Variants in EXOC6 observed in about 807,000 individuals in gnomAD.
The protein encoded by EXOC6 is exocyst complex component 6, also known as SEC15-like 1.
In EXOC6, 60 loss-of-function variants were observed where a neutral mutation model predicts 112.5. The ratio of observed to expected loss-of-function variants is 0.53; its 90% CI spans 0.43 to 0.66. The LOEUF (loss-of-function observed/expected upper bound fraction) is 0.66. Among genes scored for constraint, EXOC6 ranks in the 30% least tolerant of loss-of-function variants. The pLI is 0.00. For synonymous variants in EXOC6, 295 were observed against 308.0 expected (o/e 0.96, Z 0.44); for missense variants, 855 against 957.1 (o/e 0.89, Z 1.41).
intron 18 of EXOC6, among the ~76,000 whole-genome samples, chr10:92,975,731 G>C (rs1193509070): frequency 7.7e-6 from 1 of 129,598 alleles, no homozygotes. Flanking sequence ...CGCCCCGTCC[G>C]GGAGGGAGGT....
chr10:92,843,264 A>G (rs1026327747), intron 1 of EXOC6, among the ~76,000 whole-genome samples: 1 of 152,074 alleles, frequency 6.6e-6, no homozygotes, highest in Non-Finnish European at 1.5e-5. Context: ...GCACTTACAG[A>G]GTGTGGCCAC....
intron 13 of EXOC6, among the ~76,000 whole-genome samples, chr10:92,943,144 T>C (rs943186296): frequency 6.6e-6 from 1 of 151,658 alleles, no homozygotes; most frequent in African/African-American, 2.4e-5. Context: ...TCAGCCTCCC[T>C]AGTAGCTGGG....
intron 15 of EXOC6, among the ~76,000 whole-genome samples, chr10:92,954,284 A>G (rs1564858815): frequency 6.6e-6 from 1 of 152,168 alleles, no homozygotes; most frequent in Non-Finnish European, 1.5e-5. Flanking sequence ...TGGCTCAAAA[A>G]CAATAATAAA....
At chr10:92,911,984 T>C (rs1266058964) in intron 6 of EXOC6, among the ~76,000 whole-genome samples, 1 of 149,538 alleles carries the variant, frequency 6.7e-6, no homozygotes, top group Admixed American at 6.8e-5. Flanking sequence ...TTTGTGTATG[T>C]ATAAGAAGCC....
intron 20 of EXOC6, among the ~76,000 whole-genome samples, chr10:93,017,876 G>A (rs1310701556): frequency 2.6e-5 from 4 of 151,900 alleles, no homozygotes; most frequent in African/African-American, 7.3e-5. Context: ...TGGGCGTGGT[G>A]GTGCACACCT....
At chr10:92,974,813 C>A (rs1842444467) in intron 18 of EXOC6, among the ~76,000 whole-genome samples, 1 of 152,200 alleles carries the variant, frequency 6.6e-6, no homozygotes, top group Admixed American at 6.5e-5. Flanking sequence ...AGTGATCCGC[C>A]AGCCTCGGCC....
intron 11 of EXOC6, 52 bp from the exon 12 acceptor site, chr10:92,935,762 T>C (rs1383742892): frequency 8.6e-6 from 10 of 1,163,696 alleles, no homozygotes; most frequent in Non-Finnish European, 1.2e-5. Flanking sequence ...ATCATATGAC[T>C]CTGGTTTGTT....
At chr10:92,883,693 C>T (rs182916862) in intron 1 of EXOC6, among the ~76,000 whole-genome samples, 51 of 151,984 alleles carry the variant, frequency 3.4e-4, no homozygotes, top group Middle Eastern at 3.4e-3. Context: ...ATAAAGAATG[C>T]GCAGAAGAGT....
rs1174546185 is a variant in EXOC6, at chr10:92,848,568, C to A, written c.35C>A (p.Pro12His). Reference protein sequence around the residue: ...AENSESLGTVPEHERILQEIE... With the variant: ...AENSESLGTVHEHERILQEIE... ...AACAGCGAGAGTCTGGGCACCGTCC[C>A]CGAGCACGAGCGGATCTTGCAGGAG... The change falls in exon 1 of 22, where the codon CCC becomes CAC. Residue 12 changes from proline (P) to histidine (H), a missense_variant. Transcript: ENST00000260762. 4 of 1,451,754 alleles carry A rather than the reference C, an allele frequency of 2.8e-6. 1 individual carries two copies. The South Asian group carries it at 3.7e-5, about 13-fold the overall frequency. 89.9% of individuals were successfully genotyped at this position (1,451,754 alleles called of 1,614,324 possible). A position where few individuals can be genotyped will look rare whatever the true frequency, so the allele number is the denominator to read the frequency against.
chr10:93,025,539 T>C (rs1844992374), intron 20 of EXOC6, among the ~76,000 whole-genome samples: 3 of 152,324 alleles, frequency 2.0e-5, no homozygotes, highest in East Asian at 3.9e-4. Context: ...CTTCCAAATA[T>C]AATCCTATGC....
At chr10:92,911,929 CTCTG>C (rs1189364216) in intron 6 of EXOC6, among the ~76,000 whole-genome samples, 3 of 71,910 alleles carry the variant, frequency 4.2e-5, no homozygotes, top group Admixed American at 1.6e-4. Flanking sequence ...CTCTCTCTCT[CTCTG>C]TGTGCGTGTG....
At chr10:93,014,107 TATA>T in intron 19 of EXOC6, 84 bp from the exon 20 acceptor site, 1 of 966,416 alleles carries the variant, frequency 1.0e-6, no homozygotes, top group Non-Finnish European at 1.6e-6. Flanking sequence ...ATAATGCATT[TATA>T]ATGAGTAGAA....
chr10:93,043,186 C>T (rs917827019), intron 20 of EXOC6, among the ~76,000 whole-genome samples: 32 of 152,062 alleles, frequency 2.1e-4, no homozygotes, highest in Non-Finnish European at 2.9e-4. Flanking sequence ...CCACCCGCCT[C>T]GGCCTCCCAA....
rs1308823833 is a variant in EXOC6 at position 92,973,947 on chromosome 10, G to A, written c.1774-106G>A. 6.2e-6 allele frequency: 6 copies of A among 968,270 alleles called. No homozygotes were observed. In the African/African-American group the frequency reaches 1.0e-4, roughly 17 times the overall value. The allele number at this position is 968,270 out of a possible 1,614,324, so 60.0% of individuals were successfully genotyped here. The stretch of plus-strand genomic sequence containing the variant: ...AGTTTTCCTGGACTTTGAATAAATG[G>A]CTAAAATATTAAACCAAAGGTAAAT... On this transcript the variant is annotated intron_variant, in intron 17 of 21. Coordinates refer to ENST00000260762, the MANE Select transcript of EXOC6 (RefSeq NM_019053.6).
At chr10:93,009,315 C>T (rs1844136108) in intron 19 of EXOC6, among the ~76,000 whole-genome samples, 5 of 152,214 alleles carry the variant, frequency 3.3e-5, no homozygotes, top group Admixed American at 3.3e-4. Flanking sequence ...ATCTAATCAA[C>T]AAGCTACATA....
chr10:92,967,676 C>T (rs1184395678), intron 17 of EXOC6, among the ~76,000 whole-genome samples: 1 of 152,000 alleles, frequency 6.6e-6, no homozygotes, highest in Non-Finnish European at 1.5e-5. Flanking sequence ...TTAGAGGCAT[C>T]CCAAAAAAGC....
chr10:92,896,016 TATGTGTATA>T (rs1849734157), intron 4 of EXOC6, among the ~76,000 whole-genome samples: 1 of 143,668 alleles, frequency 7.0e-6, no homozygotes, highest in Admixed American at 7.1e-5. Flanking sequence ...TATGTGTATA[TATGTGTATA>T]TATATGTGTG....
At chr10:93,023,282 C>T (rs1844870488) in intron 20 of EXOC6, among the ~76,000 whole-genome samples, 2 of 152,042 alleles carry the variant, frequency 1.3e-5, no homozygotes, top group Admixed American at 1.3e-4. Context: ...TGAGCTGATA[C>T]AAGAGGAAAG....
At chr10:93,017,738 G>A (rs901782917) in intron 20 of EXOC6, among the ~76,000 whole-genome samples, 8 of 151,032 alleles carry the variant, frequency 5.3e-5, no homozygotes, top group African/African-American at 1.2e-4. Context: ...AAGGCTGGGC[G>A]TGGTGGCTCA....
Sources: allele counts gnomAD v4.1 joint callset (sites outside exome capture counted in the v4.1 genomes callset), GRCh38; gene constraint gnomAD v4.1.1; transcripts MANE v1.5; gene names NCBI Gene and HGNC (gene_info 2026-07-23, HGNC 2026-07-21).